SH3KBP1: variants seen among roughly 807,000 people sequenced by gnomAD.
The protein encoded by SH3KBP1 is SH3 domain-containing kinase-binding protein 1.
In SH3KBP1, 8 loss-of-function variants were observed where a neutral mutation model predicts 50.1. The observed-to-expected ratio is 0.16, with a 90% CI of 0.09 to 0.29. The LOEUF (loss-of-function observed/expected upper bound fraction) is 0.29. Among genes scored for constraint, SH3KBP1 ranks in the 10% least tolerant of loss-of-function variants. SH3KBP1 has a pLI of 1.00. For missense variants in SH3KBP1, 377 were observed against 535.2 expected (o/e 0.70, Z 2.92); for synonymous variants, 227 against 218.6 (o/e 1.04, Z -0.34).
At chrX:19,876,975 G>A (rs1462565050) in intron 1 of SH3KBP1, among the ~76,000 whole-genome samples, 2 of 110,534 alleles carry the variant, frequency 1.8e-5, no homozygotes, top group South Asian at 3.8e-4. Context: ...TCCACCCTCC[G>A]CAAGCCAATT....
rs752587432 is a variant in SH3KBP1 at position 19,669,435 on chromosome X, A to G, written c.726+14388T>C. On this transcript the variant is annotated intron_variant, in intron 6 of 17. Transcript: ENST00000397821. Reference sequence around the variant, plus strand: ...TCAGGGAGCACTTACCAGTGCAACAAGTAGCTCAGACATCACAGGACCAAG... The same window carrying G: ...TCAGGGAGCACTTACCAGTGCAACAGGTAGCTCAGACATCACAGGACCAAG... 2.7e-5 allele frequency among the ~76,000 whole-genome samples: 3 copies of G among 110,036 alleles called. No homozygotes were observed. The South Asian group carries it at 1.2e-3, about 42-fold the overall frequency.
At chrX:19,541,357 G>A (rs2064889186) in intron 16 of SH3KBP1, among the ~76,000 whole-genome samples, 1 of 111,939 alleles carries the variant, frequency 8.9e-6, no homozygotes, top group Non-Finnish European at 1.9e-5. Flanking sequence ...GAGAGTGTGT[G>A]TGCAGCCATG....
At chrX:19,611,307 C>T (rs2067403806) in intron 8 of SH3KBP1, among the ~76,000 whole-genome samples, 1 of 112,065 alleles carries the variant, frequency 8.9e-6, no homozygotes, top group Admixed American at 9.4e-5. Context: ...GAGCAAAAGC[C>T]CATCCAGAAT....
At chrX:19,817,854 C>T (rs750582765) in intron 2 of SH3KBP1, among the ~76,000 whole-genome samples, 1 of 111,587 alleles carries the variant, frequency 9.0e-6, no homozygotes, top group Non-Finnish European at 1.9e-5. Flanking sequence ...AGGCTGGTCT[C>T]GAACTCCTCA....
At chrX:19,768,398 T>C (rs112514506) in intron 2 of SH3KBP1, among the ~76,000 whole-genome samples, 3,316 of 103,485 alleles carry the variant, frequency 0.032, 49 homozygotes, top group Non-Finnish European at 0.05. Context: ...CCTCGCCTTA[T>C]AAATGAGAGA....
At chrX:19,632,134 G>A (rs1359422681) in intron 7 of SH3KBP1, among the ~76,000 whole-genome samples, 176 bp from the exon 8 acceptor site, 4 of 111,446 alleles carry the variant, frequency 3.6e-5, no homozygotes, top group Admixed American at 9.5e-5. Flanking sequence ...CTCATTTTTG[G>A]CTCATGTATA....
At chrX:19,872,812 T>TTCTCTC (rs766238422) in intron 1 of SH3KBP1, among the ~76,000 whole-genome samples, 1,942 of 97,974 alleles carry the variant, frequency 0.02, 76 homozygotes, top group African/African-American at 0.074. Flanking sequence ...TCCATCTCTC[T>TTCTCTC]TCTCTCTCTC....
In SH3KBP1 at chrX:19,543,173, G is replaced by A. The variant is rs112783052; in HGVS notation, c.1624-980C>T. 2.5e-3 allele frequency among the ~76,000 whole-genome samples: 284 copies of A among 111,499 alleles called. 1 individual carries two copies. Among genetic ancestry groups the A allele is most frequent in the Non-Finnish European group, 4.3e-3 (226 of 53,031 alleles). ...AGGAGGATGGAGACCCTGCCCTCAT[G>A]GAACAGACGCCTTGTGAGCAGGGAG... On this transcript the variant is annotated intron_variant, in intron 15 of 17. Transcript: ENST00000397821.
At chrX:19,727,046 T>C (rs1234939584) in intron 3 of SH3KBP1, among the ~76,000 whole-genome samples, 1 of 112,398 alleles carries the variant, frequency 8.9e-6, no homozygotes, top group African/African-American at 3.2e-5. Context: ...CAAGGTAACA[T>C]ACATGACAGA....
chrX:19,567,641 A>G (rs776121345), intron 13 of SH3KBP1, among the ~76,000 whole-genome samples: 14 of 101,120 alleles, frequency 1.4e-4, no homozygotes, highest in Non-Finnish European at 2.8e-4. Flanking sequence ...TTGGTGGATC[A>G]TATCAATGTC....
intron 13 of SH3KBP1, among the ~76,000 whole-genome samples, chrX:19,562,987 CCT>C (rs775777047): frequency 1.2e-3 from 136 of 112,215 alleles, no homozygotes; most frequent in African/African-American, 3.7e-3. Context: ...GTAATCTCCC[CCT>C]GTTTCTATAG....
chrX:19,764,828 T>A (rs749419499), intron 2 of SH3KBP1, among the ~76,000 whole-genome samples: 2 of 105,820 alleles, frequency 1.9e-5, no homozygotes, highest in South Asian at 8.7e-4. Context: ...TTTTTTTTTT[T>A]AGACTGAGTC....
At chrX:19,558,839 T>C (rs1168978656) in intron 13 of SH3KBP1, among the ~76,000 whole-genome samples, 1 of 112,185 alleles carries the variant, frequency 8.9e-6, no homozygotes, top group South Asian at 3.6e-4. Context: ...CAGAATTTTA[T>C]TGGGCTTTTC....
At chrX:19,785,293 G>T (rs1248818161) in intron 2 of SH3KBP1, among the ~76,000 whole-genome samples, 1 of 108,966 alleles carries the variant, frequency 9.2e-6, no homozygotes, top group African/African-American at 3.4e-5. Context: ...TGAGGTGAGC[G>T]GACTGCTTGA....
At chrX:19,603,316 C>T (rs1344160425) in intron 9 of SH3KBP1, among the ~76,000 whole-genome samples, 6 of 112,505 alleles carry the variant, frequency 5.3e-5, no homozygotes, top group South Asian at 3.7e-4. Context: ...TGGTGGAACC[C>T]GGCTTCTAAG....
rs869158450 is a variant in SH3KBP1, at chrX:19,567,518, C to CAAAAAAAA, written c.1384+1577_1384+1584dup. Among the ~76,000 whole-genome samples the CAAAAAAAA allele has an allele frequency of 4.1e-4, 3 of 7,272 alleles. 1 individual carries two copies. Among genetic ancestry groups the CAAAAAAAA allele is most frequent in the Non-Finnish European group, 2.2e-4 (1 of 4,538 alleles). 6.3% of individuals were successfully genotyped at this position (7,272 alleles called of 115,157 possible). On this transcript the variant is annotated intron_variant, in intron 13 of 17. Coordinates refer to ENST00000397821, the MANE Select transcript of SH3KBP1 (RefSeq NM_031892.3). Reference sequence around the variant, plus strand: ...TGGGTGACAGAGCAAGACTCCATCTCAAAAAAAAAAAAAAAAAAAAAAAAA... The same window carrying CAAAAAAAA: ...TGGGTGACAGAGCAAGACTCCATCTCAAAAAAAAAAAAAAAAAAAAAAAAAAAAAAAAA...
At chrX:19,758,253 T>C (rs1411145269) in intron 2 of SH3KBP1, among the ~76,000 whole-genome samples, 1 of 98,289 alleles carries the variant, frequency 1.0e-5, no homozygotes, top group Admixed American at 1.3e-4. Flanking sequence ...GCTTGAACCC[T>C]GGAAGCGGAG....
At position 19,769,763 on chromosome X, in the gene SH3KBP1, C is replaced by A. The variant is rs998055019; in HGVS notation, c.163-23322G>T. ...TTTCTCTCTAGTCAATATGACAGAA[C>A]CTTCCTAAATGGCAGATAAGTCATC... On this transcript the variant is annotated intron_variant, in intron 2 of 17. Coordinates refer to ENST00000397821, the MANE Select transcript of SH3KBP1 (RefSeq NM_031892.3). Among the ~76,000 whole-genome samples, 4 of 110,598 alleles carry A rather than the reference C, an allele frequency of 3.6e-5. No individual in the cohort carries two copies. In the South Asian group the frequency reaches 1.5e-3, roughly 42 times the overall value.
intron 6 of SH3KBP1, among the ~76,000 whole-genome samples, chrX:19,653,769 CACACA>C (rs1377088269): frequency 1.8e-5 from 1 of 56,871 alleles, no homozygotes; most frequent in East Asian, 3.6e-4. Flanking sequence ...TAAATACACA[CACACA>C]CACACACACA....
Sources: allele counts gnomAD v4.1 joint callset (sites outside exome capture counted in the v4.1 genomes callset), GRCh38; gene constraint gnomAD v4.1.1; transcripts MANE v1.5; gene names NCBI Gene and HGNC (gene_info 2026-07-23, HGNC 2026-07-21).